Variants in PMFBP1 observed in about 807,000 individuals in gnomAD.
PMFBP1 encodes polyamine-modulated factor 1-binding protein 1.
Under a neutral mutation model 137.8 loss-of-function variants are expected in PMFBP1, and 131 were observed. The observed-to-expected ratio is 0.95, with a 90% CI of 0.82 to 1.10. PMFBP1 has a LOEUF of 1.10. Among genes scored for constraint, PMFBP1 ranks in the 50% least tolerant of loss-of-function variants. The probability of loss-of-function intolerance (pLI) is 0.00; values close to 1 mark genes in which losing one functional copy is unlikely to be tolerated. For missense variants in PMFBP1, 1,199 were observed against 1,175.4 expected (o/e 1.02, Z -0.29); for synonymous variants, 490 against 450.4 (o/e 1.09, Z -1.11).
intron 3 of PMFBP1, 161 bp downstream of exon 3, chr16:72,164,603 G>T: frequency 8.4e-7 from 1 of 1,190,976 alleles, no homozygotes; most frequent in South Asian, 1.4e-5. Flanking sequence ...ATGTGTATGT[G>T]CGTTGGGGTG....
intron 14 of PMFBP1, among the ~76,000 whole-genome samples, chr16:72,127,001 C>G (rs1244366807): frequency 6.6e-6 from 1 of 152,200 alleles, no homozygotes; most frequent in Admixed American, 6.5e-5. Context: ...CACAGACACA[C>G]ACAGAAACTA....
intron 16 of PMFBP1, 84 bp downstream of exon 16, chr16:72,125,154 T>C (rs2042435520): frequency 6.6e-7 from 1 of 1,512,332 alleles, no homozygotes; most frequent in Non-Finnish European, 8.9e-7. Flanking sequence ...AGGGAATGAC[T>C]TAGTGCTAAA....
At chr16:72,217,783 G>A in the PMFBP1 span, among the ~76,000 whole-genome samples, 1 of 152,172 alleles carries the variant, frequency 6.6e-6, no homozygotes, top group African/African-American at 2.4e-5. Flanking sequence ...AACTCGGGAG[G>A]TGGAGGTTGC....
rs756492066 is a variant in PMFBP1 at position 72,132,924 on chromosome 16, A to T, written c.1271T>A (p.Leu424His). The T allele has an allele frequency of 3.1e-6, 5 of 1,614,158 alleles. No individual in the cohort carries two copies. The highest frequency in any genetic ancestry group is 4.2e-6 in the Non-Finnish European group (5 of 1,180,028). Residue 424 changes from leucine (L) to histidine (H), a missense_variant, in exon 10 of 21, where the codon CTC becomes CAC. By Grantham distance (99) the Leu-to-His change is moderately conservative. Transcript: ENST00000237353. Reference protein sequence around the residue: ...EKKLTQVQNSLLKKEKELEKQ... With the variant: ...EKKLTQVQNSHLKKEKELEKQ... Reference sequence around the variant, plus strand: ...CTCCAGCTCCTTCTCCTTTTTCAGGAGGCTGTTCTGAACCTGTGTCAGTTT... The same window carrying T: ...CTCCAGCTCCTTCTCCTTTTTCAGGTGGCTGTTCTGAACCTGTGTCAGTTT...
At chr16:72,117,918 C>G (rs2042324812), downstream of PMFBP1, among the ~76,000 whole-genome samples, 1 of 152,178 alleles carries the variant, frequency 6.6e-6, no homozygotes, top group South Asian at 2.1e-4. Context: ...CCTAGCTGGG[C>G]TGTCACAGTC....
intron 19 of PMFBP1, among the ~76,000 whole-genome samples, chr16:72,121,801 T>A (rs1290621331): frequency 6.6e-6 from 1 of 152,168 alleles, no homozygotes; most frequent in African/African-American, 2.4e-5. Context: ...GGCTCATTTT[T>A]AAATTTTTTA....
the PMFBP1 span, among the ~76,000 whole-genome samples, chr16:72,234,733 A>G: frequency 6.6e-6 from 1 of 152,200 alleles, no homozygotes; most frequent in Admixed American, 6.6e-5. Context: ...CATGAAGTCA[A>G]GAACCTGAAC....
intron 3 of PMFBP1, among the ~76,000 whole-genome samples, chr16:72,158,196 G>C (rs1404968653): frequency 1.3e-5 from 2 of 152,252 alleles, no homozygotes; most frequent in South Asian, 4.2e-4. Flanking sequence ...TGAGAAGAGA[G>C]ACAGAGAAAA....
the PMFBP1 span, among the ~76,000 whole-genome samples, chr16:72,199,740 T>C: frequency 6.6e-6 from 1 of 151,994 alleles, no homozygotes; most frequent in Non-Finnish European, 1.5e-5. Flanking sequence ...TGACTTCCTT[T>C]AGCAGGTCGG....
rs762392862 is a variant in PMFBP1, at chr16:72,128,659, CT to C, written c.2085del (p.Glu696ArgfsTer2). 1.2e-6 allele frequency: 2 copies of C among 1,613,990 alleles called. No homozygotes were observed. Among genetic ancestry groups the C allele is most frequent in the African/African-American group, 2.7e-5 (2 of 74,912 alleles). ...CCTTGGGGTTCCTGTCTACTCACCT[CT>C]TTATTCAAGTCTTGGATGACTTGCT... ...TSQQVIQDLN[K>X]EIALQKESLM... On this transcript the variant is annotated frameshift_variant, in exon 14 of 21. Coordinates refer to ENST00000237353, the MANE Select transcript of PMFBP1 (RefSeq NM_031293.3). LOFTEE classifies it high-confidence loss of function.
chr16:72,200,186 T>C, the PMFBP1 span, among the ~76,000 whole-genome samples: 1 of 152,200 alleles, frequency 6.6e-6, no homozygotes, highest in African/African-American at 2.4e-5. Flanking sequence ...CAGGGTGACC[T>C]CAGGTAGAGC....
At chr16:72,199,438 G>A in the PMFBP1 span, among the ~76,000 whole-genome samples, 3 of 152,288 alleles carry the variant, frequency 2.0e-5, no homozygotes, top group Non-Finnish European at 4.4e-5. Context: ...CGGATGGCCT[G>A]AGGTCAGGAG....
At position 72,128,795 on chromosome 16, in the gene PMFBP1, C is replaced by T. The variant is rs201162449; in HGVS notation, c.1951-1G>A. On this transcript the variant is annotated splice_acceptor_variant, in intron 13 of 20. Transcript: ENST00000237353. LOFTEE classifies it high-confidence loss of function. ...CCAACTTTCTGGAATTCTCTTTCAA[C>T]TGTTCCCTCATTAAAGAACAAAGCA... is the stretch of plus-strand genomic sequence containing the variant. 7.4e-6 allele frequency: 12 copies of T among 1,614,074 alleles called. No individual in the cohort carries two copies. Among genetic ancestry groups the T allele is most frequent in the Non-Finnish European group, 1.0e-5 (12 of 1,180,044 alleles).
chr16:72,163,987 G>A (rs1263183652), intron 3 of PMFBP1, among the ~76,000 whole-genome samples: 3 of 151,624 alleles, frequency 2.0e-5, no homozygotes, highest in Non-Finnish European at 2.9e-5. Context: ...CTTGGGTGAT[G>A]GGTGCACCAA....
At chr16:72,234,334 C>T in the PMFBP1 span, among the ~76,000 whole-genome samples, 29 of 152,128 alleles carry the variant, frequency 1.9e-4, no homozygotes, top group Non-Finnish European at 4.1e-4. Context: ...AAACAGCCTG[C>T]AGCAAGGAGG....
At chr16:72,157,924 C>T (rs2043006780) in intron 3 of PMFBP1, among the ~76,000 whole-genome samples, 1 of 152,116 alleles carries the variant, frequency 6.6e-6, no homozygotes, top group Admixed American at 6.5e-5. Flanking sequence ...GATGGTGGGA[C>T]ATGATGGTCA....
chr16:72,140,646 T>C (rs2042704542), intron 5 of PMFBP1, 64 bp from the exon 6 acceptor site: 2 of 1,435,022 alleles, frequency 1.4e-6, no homozygotes, highest in Non-Finnish European at 1.9e-6. Context: ...CAGAATTCCA[T>C]GAACATGGAA....
the PMFBP1 span, among the ~76,000 whole-genome samples, chr16:72,240,793 C>G: frequency 3.3e-5 from 5 of 152,168 alleles, no homozygotes; most frequent in Non-Finnish European, 7.3e-5. Context: ...CTAAGGGGTC[C>G]TTTCCATCTC....
At chr16:72,245,525 G>T in the PMFBP1 span, among the ~76,000 whole-genome samples, 18 of 152,292 alleles carry the variant, frequency 1.2e-4, no homozygotes, top group South Asian at 3.1e-3. Context: ...TCAGAAAAGG[G>T]TGCACTGCCT....
Sources: allele counts gnomAD v4.1 joint callset (sites outside exome capture counted in the v4.1 genomes callset), GRCh38; gene constraint gnomAD v4.1.1; transcripts MANE v1.5; gene names NCBI Gene and HGNC (gene_info 2026-07-23, HGNC 2026-07-21).